GALNTL6: variants seen among roughly 807,000 people sequenced by gnomAD.
GALNTL6 encodes the protein polypeptide N-acetylgalactosaminyltransferase like 6, also known as polypeptide N-acetylgalactosaminyltransferase-like 6.
Under a neutral mutation model 73.7 loss-of-function variants are expected in GALNTL6, and 46 were observed. The observed-to-expected ratio is 0.62, with a 90% CI of 0.49 to 0.80. The LOEUF is 0.80. Ranked by LOEUF, GALNTL6 falls within the 30% of genes least tolerant of loss-of-function variation. The probability of loss-of-function intolerance (pLI) is 0.00; values close to 1 mark genes in which losing one functional copy is unlikely to be tolerated. For synonymous variants in GALNTL6, 259 were observed against 263.7 expected (o/e 0.98, Z 0.17); for missense variants, 604 against 755.0 (o/e 0.80, Z 2.34).
chr4:172,119,596 A>G (rs964548231), intron 2 of GALNTL6, among the ~76,000 whole-genome samples: 12 of 152,224 alleles, frequency 7.9e-5, no homozygotes, highest in Non-Finnish European at 1.6e-4. Flanking sequence ...TTCTAACCAG[A>G]GGTCAGCAAA....
At chr4:172,012,252 A>G (rs996927209) in intron 2 of GALNTL6, among the ~76,000 whole-genome samples, 4 of 152,062 alleles carry the variant, frequency 2.6e-5, no homozygotes, top group Admixed American at 2.0e-4. Flanking sequence ...CAGTGTCACC[A>G]TAAGAGAAAA....
intron 5 of GALNTL6, among the ~76,000 whole-genome samples, chr4:172,351,181 G>GTCTGTCTGTCTGTCTATCTATTTATCA (rs139731159): frequency 1.6e-5 from 2 of 122,518 alleles, no homozygotes; most frequent in African/African-American, 6.2e-5. Flanking sequence ...ACAATAATCT[G>GTCTGTCTGTCTGTCTATCTATTTATCA]TCTATCTATC....
intron 2 of GALNTL6, among the ~76,000 whole-genome samples, chr4:172,019,337 T>C (rs1247840231): frequency 6.6e-6 from 1 of 152,062 alleles, no homozygotes; most frequent in Non-Finnish European, 1.5e-5. Flanking sequence ...AAGAATCATG[T>C]TAGATTTTTT....
chr4:172,205,082 C>A (rs998775447), intron 2 of GALNTL6, among the ~76,000 whole-genome samples: 1 of 151,992 alleles, frequency 6.6e-6, no homozygotes. Context: ...AATTAAGAAC[C>A]CCTAGATACA....
chr4:171,881,471 C>T (rs1038017743), intron 2 of GALNTL6, among the ~76,000 whole-genome samples: 1 of 152,034 alleles, frequency 6.6e-6, no homozygotes, highest in East Asian at 1.9e-4. Flanking sequence ...TTTCTGCCTG[C>T]TTTATATCTC....
At chr4:172,422,760 G>A (rs1383864079) in intron 5 of GALNTL6, among the ~76,000 whole-genome samples, 1 of 151,574 alleles carries the variant, frequency 6.6e-6, no homozygotes, top group African/African-American at 2.4e-5. Context: ...CCTGACCCTT[G>A]TTCCAAAACC....
At chr4:172,542,680 G>C (rs1417173570) in intron 5 of GALNTL6, among the ~76,000 whole-genome samples, 1 of 152,020 alleles carries the variant, frequency 6.6e-6, no homozygotes, top group Non-Finnish European at 1.5e-5. Flanking sequence ...TTTGTTTTTC[G>C]GGTTTCTCTG....
chr4:172,126,318 A>G lies in GALNTL6; in HGVS notation c.139-103338A>G, dbSNP rs146534055. Among the ~76,000 whole-genome samples the G allele has an allele frequency of 3.4e-3, 513 of 152,316 alleles. 2 individuals carry two copies. The highest frequency in any genetic ancestry group is 0.012 in the African/African-American group (493 of 41,556). On this transcript the variant is annotated intron_variant, in intron 2 of 12. Coordinates refer to ENST00000506823, the MANE Select transcript of GALNTL6 (RefSeq NM_001034845.3). ...TATCTATCACTTAATTTAAAATAAC[A>G]TAACTTTAGACTTTCAAACTTCAAT...
rs149591464 is a variant in GALNTL6 at position 172,236,071 on chromosome 4, A to G, written c.247+6307A>G. On this transcript the variant is annotated intron_variant, in intron 3 of 12. Transcript: ENST00000506823. ...CTAATTTCAGTCATTTTTCTATTGT[A>G]GAATAAGCATTTTGGAAACTAAATT... 1.2e-4 allele frequency among the ~76,000 whole-genome samples: 19 copies of G among 152,294 alleles called. No individual in the cohort carries two copies. The East Asian group carries it at 3.5e-3, about 28-fold the overall frequency.
intron 10 of GALNTL6, among the ~76,000 whole-genome samples, chr4:172,960,783 G>A (rs1750008247): frequency 6.6e-6 from 1 of 152,176 alleles, no homozygotes; most frequent in South Asian, 2.1e-4. Flanking sequence ...CATTGTAGAA[G>A]AAAATAAGGC....
Position 172,825,754 on chromosome 4 carries a change from A to G in GALNTL6, c.923+12031A>G, listed in dbSNP as rs1742231970. On this transcript the variant is annotated intron_variant, in intron 7 of 12. Coordinates refer to ENST00000506823, the MANE Select transcript of GALNTL6 (RefSeq NM_001034845.3). ...TTGAATACCATGTAAGAGGAGGGAA[A>G]CTGTAGGGGAAAGCTGTGCGTAGCT... Among the ~76,000 whole-genome samples the G allele has an allele frequency of 2.0e-5, 3 of 152,168 alleles. No individual in the cohort carries two copies. In the South Asian group the frequency reaches 6.2e-4, roughly 32 times the overall value.
intron 12 of GALNTL6, among the ~76,000 whole-genome samples, chr4:173,027,469 T>A (rs966646538): frequency 6.6e-6 from 1 of 152,238 alleles, no homozygotes; most frequent in Non-Finnish European, 1.5e-5. Context: ...TTATATACAC[T>A]GGTCCATTGT....
At chr4:172,006,278 A>G (rs1002894241) in intron 2 of GALNTL6, among the ~76,000 whole-genome samples, 52 of 152,118 alleles carry the variant, frequency 3.4e-4, no homozygotes, top group African/African-American at 1.3e-3. Context: ...TGTTTTTCCT[A>G]TATGCCAATG....
At chr4:172,033,532 A>C (rs1205476456) in intron 2 of GALNTL6, among the ~76,000 whole-genome samples, 1 of 152,102 alleles carries the variant, frequency 6.6e-6, no homozygotes, top group Non-Finnish European at 1.5e-5. Flanking sequence ...GCTTCCCAGG[A>C]AAACTGGCCC....
chr4:172,839,631 G>T (rs908346201), intron 7 of GALNTL6, among the ~76,000 whole-genome samples: 1 of 152,142 alleles, frequency 6.6e-6, no homozygotes. Context: ...CATTAGTAAA[G>T]GTCTTTCTAC....
chr4:172,146,579 CTCTTT>C (rs1733933533), intron 2 of GALNTL6, among the ~76,000 whole-genome samples: 2 of 152,136 alleles, frequency 1.3e-5, no homozygotes, highest in African/African-American at 2.4e-5. Flanking sequence ...TCAGAAGCTG[CTCTTT>C]TATTTTAATA....
At chr4:172,403,669 A>G (rs1038693430) in intron 5 of GALNTL6, among the ~76,000 whole-genome samples, 1 of 152,068 alleles carries the variant, frequency 6.6e-6, no homozygotes, top group Non-Finnish European at 1.5e-5. Flanking sequence ...ATATTTGCAT[A>G]GACACATATA....
At chr4:172,394,711 C>T (rs537901293) in intron 5 of GALNTL6, among the ~76,000 whole-genome samples, 1 of 152,112 alleles carries the variant, frequency 6.6e-6, no homozygotes. Flanking sequence ...GGATTACAGG[C>T]ATGAGCCACC....
chr4:172,631,563 C>T (rs192973645), intron 5 of GALNTL6, among the ~76,000 whole-genome samples: 2 of 152,310 alleles, frequency 1.3e-5, no homozygotes, highest in Admixed American at 6.5e-5. Flanking sequence ...TTTCTTCACT[C>T]GATCTCATAG....
Sources: allele counts gnomAD v4.1 joint callset (sites outside exome capture counted in the v4.1 genomes callset), GRCh38; gene constraint gnomAD v4.1.1; transcripts MANE v1.5; gene names NCBI Gene and HGNC (gene_info 2026-07-23, HGNC 2026-07-21).